The following HDDC2 variants were observed in gnomAD, a reference collection of about 807,000 sequenced individuals.
HDDC2 encodes the protein 5'-deoxynucleotidase HDDC2.
Under a neutral mutation model 25.5 loss-of-function variants are expected in HDDC2, and 25 were observed. The ratio of observed to expected loss-of-function variants is 0.98; its 90% CI spans 0.72 to 1.37. HDDC2 has a LOEUF of 1.37. HDDC2 is among the 40% of genes most tolerant of loss of function. The pLI, the probability that HDDC2 is intolerant of heterozygous loss-of-function variation, is 0.00. For missense variants in HDDC2, 264 were observed against 253.1 expected, an observed-to-expected ratio of 1.04 and a Z score of -0.29; for synonymous variants, 106 against 89.7, an observed-to-expected ratio of 1.18 and a Z score of -1.03.
chr6:125,297,105 G>A (rs765172193), intron 3 of HDDC2, among the ~76,000 whole-genome samples: 3 of 152,068 alleles, frequency 2.0e-5, no homozygotes, highest in Non-Finnish European at 4.4e-5. Flanking sequence ...ATTTACCCTT[G>A]AATAAAACTA....
At chr6:125,300,308 C>T in intron 2 of HDDC2, 1 of 488,274 alleles carries the variant, frequency 2.0e-6, no homozygotes, top group Non-Finnish European at 3.6e-6. Context: ...CTTAAGTTTC[C>T]CCTGATACCC....
chr6:125,298,903 T>C (rs764131566), intron 2 of HDDC2, 87 bp from the exon 3 acceptor site: 17 of 806,044 alleles, frequency 2.1e-5, no homozygotes, highest in Middle Eastern at 3.6e-4. Context: ...TTATATAATA[T>C]ATATATTTTT....
chr6:125,291,962 A>C (rs965603018), intron 4 of HDDC2, among the ~76,000 whole-genome samples: 3 of 152,180 alleles, frequency 2.0e-5, no homozygotes, highest in African/African-American at 7.2e-5. Context: ...CTGACCCAGC[A>C]CATGAGGGAG....
intron 4 of HDDC2, among the ~76,000 whole-genome samples, chr6:125,283,985 A>G (rs529675820): frequency 1.6e-3 from 248 of 152,310 alleles, no homozygotes; most frequent in African/African-American, 5.8e-3. Flanking sequence ...CCAATGGAAG[A>G]GAACAGAGGC....
chr6:125,299,257 C>T (rs1386106923), intron 2 of HDDC2, among the ~76,000 whole-genome samples: 1 of 152,120 alleles, frequency 6.6e-6, no homozygotes, highest in African/African-American at 2.4e-5. Flanking sequence ...GTGGCACACA[C>T]CTGTAATCCC....
At chr6:125,288,722 A>G (rs992538692) in intron 4 of HDDC2, among the ~76,000 whole-genome samples, 4 of 146,260 alleles carry the variant, frequency 2.7e-5, no homozygotes, top group Non-Finnish European at 4.5e-5. Context: ...CAAAAAACAC[A>G]TGAAGAAATG....
At chr6:125,281,237 A>G (rs1798453541) in intron 4 of HDDC2, among the ~76,000 whole-genome samples, 4 of 152,224 alleles carry the variant, frequency 2.6e-5, no homozygotes, top group Admixed American at 2.6e-4. Flanking sequence ...AGATAAATCC[A>G]CAAAGATGAG....
intron 4 of HDDC2, among the ~76,000 whole-genome samples, chr6:125,284,122 G>A (rs1798498283): frequency 6.6e-6 from 1 of 152,182 alleles, no homozygotes; most frequent in African/African-American, 2.4e-5. Flanking sequence ...GCAGAAAACT[G>A]AAACTGGACC....
In HDDC2 at chr6:125,276,178, T is replaced by TA. The variant is rs1325458971; in HGVS notation, c.582_583insT (p.Ile195TyrfsTer7). On this transcript the variant is annotated frameshift_variant, in exon 6 of 6. Transcript: ENST00000398153. LOFTEE classifies it high-confidence loss of function. Reference sequence around the variant, plus strand: ...TGTGGCTCACTGGCAGCTGCAGCTATGTTAGTGCTTCTTTCTGCCTCAAGT... The same window carrying TA: ...TGTGGCTCACTGGCAGCTGCAGCTATAGTTAGTGCTTCTTTCTGCCTCAAGT... The TA allele has an allele frequency of 6.2e-6, 10 of 1,613,934 alleles. No individual in the cohort carries two copies. Among genetic ancestry groups the TA allele is most frequent in the Non-Finnish European group, 7.6e-6 (9 of 1,179,912 alleles).
In HDDC2 at chr6:125,300,551, G is replaced by A; in HGVS notation, c.193C>T (p.Leu65Phe). Residue 65 changes from leucine to phenylalanine, a missense_variant, in exon 2 of 6, where the codon CTT becomes TTT. Physicochemically the swap from Leu to Phe is conservative, Grantham distance 22. Coordinates refer to ENST00000398153, the MANE Select transcript of HDDC2 (RefSeq NM_016063.3). ...AGCTCAGCTTACCGGTCTTTGTTAAGACGGTCATCTTTGATCACCATAGCC... is the reference window on the plus strand; with the variant it reads ...AGCTCAGCTTACCGGTCTTTGTTAAAACGGTCATCTTTGATCACCATAGCC... ...VMAMVIKDDR[L>F]NKDRCVRLAL... The A allele has an allele frequency of 6.2e-7, 1 of 1,613,980 alleles. No individual in the cohort carries two copies. Among genetic ancestry groups the A allele is most frequent in the Non-Finnish European group, 8.5e-7 (1 of 1,179,958 alleles).
At chr6:125,281,603 A>G (rs1798458008) in intron 4 of HDDC2, among the ~76,000 whole-genome samples, 1 of 152,212 alleles carries the variant, frequency 6.6e-6, no homozygotes, top group Non-Finnish European at 1.5e-5. Flanking sequence ...GGAAGAAAGC[A>G]TACCAGAGAC....
intron 1 of HDDC2, among the ~76,000 whole-genome samples, chr6:125,301,524 A>G (rs949973492): frequency 6.9e-5 from 10 of 145,662 alleles, no homozygotes; most frequent in Non-Finnish European, 1.5e-4. Context: ...TGGGGTCGTG[A>G]GCCCCGGAAA....
At position 125,301,905 on chromosome 6, in the gene HDDC2, A is replaced by G. The variant is rs1410901574; in HGVS notation, c.28T>C (p.Ser10Pro). The change falls in exon 1 of 6, where the codon TCG becomes CCG. Residue 10 changes from serine to proline, a missense_variant. Coordinates refer to ENST00000398153, the MANE Select transcript of HDDC2 (RefSeq NM_016063.3). ...AGTAGGGACCGAGCCCCGTGGCCCG[A>G]GAAGGTCGCAGAGGAGACCGAAGCC... MASVSSATF[S>P]GHGARSLLQF... 6.4e-7 allele frequency: 1 copy of G among 1,551,552 alleles called. No individual in the cohort carries two copies.
At position 125,277,187 on chromosome 6, in the gene HDDC2, T is replaced by C; in HGVS notation, c.432A>G (p.Gln144=). ...AEAKFVKQLD[Q]CEMILQASEY... is the part of the protein sequence containing the mutation. ...CAGATGCTTGAAGAATCATTTCACA[T>C]TGGTCTAGCTGCTTCACAAATTTGG... Residue 144 remains glutamine (Q), a synonymous_variant, in exon 5 of 6, where the codon CAA becomes CAG. Coordinates refer to ENST00000398153, the MANE Select transcript of HDDC2 (RefSeq NM_016063.3). The C allele has an allele frequency of 2.5e-6, 4 of 1,614,048 alleles. No homozygotes were observed. Among genetic ancestry groups the C allele is most frequent in the Non-Finnish European group, 2.5e-6 (3 of 1,179,934 alleles).
chr6:125,300,227 GCACA>G, intron 2 of HDDC2: 1 of 245,882 alleles, frequency 4.1e-6, no homozygotes, highest in Non-Finnish European at 7.9e-6. Context: ...CTAGGAAAGA[GCACA>G]CAGTGTACTA....
intron 3 of HDDC2, 78 bp downstream of exon 3, chr6:125,298,636 C>T: frequency 1.0e-6 from 1 of 994,366 alleles, no homozygotes; most frequent in Non-Finnish European, 1.6e-6. Flanking sequence ...CTAACTGTAA[C>T]AGGTCTCATA....
intron 4 of HDDC2, among the ~76,000 whole-genome samples, chr6:125,283,211 A>C (rs1315334605): frequency 2.0e-5 from 3 of 152,252 alleles, no homozygotes; most frequent in Non-Finnish European, 4.4e-5. Context: ...CCAATATCAT[A>C]CTGGATGGGC....
intron 3 of HDDC2, chr6:125,293,280 G>T: frequency 7.3e-6 from 2 of 272,888 alleles, no homozygotes; most frequent in Admixed American, 9.2e-5. Context: ...GCATATGAGA[G>T]TTCAAAACAA....
chr6:125,287,355 A>G (rs1264271638), intron 4 of HDDC2, among the ~76,000 whole-genome samples: 1 of 152,168 alleles, frequency 6.6e-6, no homozygotes, highest in Non-Finnish European at 1.5e-5. Flanking sequence ...ATTGGGGCAA[A>G]GAGAAGGGCT....
Sources: gnomAD v4.1 joint callset for allele counts (sites outside exome capture counted in the v4.1 genomes callset) on GRCh38, gnomAD v4.1.1 for gene constraint, MANE v1.5 for transcripts, NCBI Gene and HGNC (gene_info 2026-07-23, HGNC 2026-07-21) for gene names.